Variants in MROH2A observed in about 807,000 individuals in gnomAD.
MROH2A encodes the protein maestro heat like repeat family member 2A, also known as maestro heat-like repeat-containing protein family member 2A.
Under a neutral mutation model 200.4 loss-of-function variants are expected in MROH2A, and 174 were observed. The ratio of observed to expected loss-of-function variants is 0.87; its 90% confidence interval spans 0.77 to 0.98. The LOEUF (loss-of-function observed/expected upper bound fraction) is 0.98. Ranked by LOEUF, MROH2A falls within the 50% of genes least tolerant of loss-of-function variation. The pLI, the probability that MROH2A is intolerant of heterozygous loss-of-function variation, is 0.00. For synonymous variants in MROH2A, 829 were observed against 840.4 expected, an observed-to-expected ratio of 0.99 and a Z score of 0.23; for missense variants, 2,045 against 2,139.6, an observed-to-expected ratio of 0.96 and a Z score of 0.87.
intron 3 of MROH2A, among the ~76,000 whole-genome samples, chr2:233,780,157 G>A (rs1559428648): frequency 6.6e-6 from 1 of 152,244 alleles, no homozygotes; most frequent in African/African-American, 2.4e-5. Flanking sequence ...GACACAGTGT[G>A]CAGGGATGTT....
rs1193774116 is a variant in MROH2A, at chr2:233,829,013, G to T, written c.4387G>T (p.Gly1463Trp). ...CAAGATCCTGGCTGAGCTCCGGGAAGGGGATGTGGGGTCCTCTTTCGACGC... is the reference window on the plus strand; with the variant it reads ...CAAGATCCTGGCTGAGCTCCGGGAATGGGATGTGGGGTCCTCTTTCGACGC... ...LTKILAELRE[G>W]DVGSSFDAMS... The change falls in exon 37 of 42, where the codon GGG (glycine) becomes TGG (tryptophan). Residue 1463 changes from glycine to tryptophan, a missense_variant. Physicochemically the swap from Gly to Trp is radical, Grantham distance 184. Coordinates refer to ENST00000389758, the MANE Select transcript of MROH2A (RefSeq NM_001394639.1). 15 of 1,550,030 alleles carry T rather than the reference G, an allele frequency of 9.7e-6. No homozygotes were observed. The highest frequency in any genetic ancestry group is 1.3e-5 in the Non-Finnish European group (15 of 1,146,812).
chr2:233,823,461 G>A lies in MROH2A; in HGVS notation c.4005-95G>A. The A allele has an allele frequency of 1.7e-5, 24 of 1,420,144 alleles. No homozygotes were observed. In the South Asian group the frequency reaches 3.3e-4, roughly 20 times the overall value. 88.0% of individuals were successfully genotyped at this position (1,420,144 alleles called of 1,614,324 possible). ...TCTTTCCGGGGTTATCTTGCCACCAGGGTCCAGGCACCGATGTGGCCCTGC... is the reference window on the plus strand; with the variant it reads ...TCTTTCCGGGGTTATCTTGCCACCAAGGTCCAGGCACCGATGTGGCCCTGC... On this transcript the variant is annotated intron_variant, in intron 34 of 41. Coordinates refer to ENST00000389758, the MANE Select transcript of MROH2A (RefSeq NM_001394639.1).
At chr2:233,788,862 C>T (rs951859858) in intron 3 of MROH2A, among the ~76,000 whole-genome samples, 63 of 142,122 alleles carry the variant, frequency 4.4e-4, no homozygotes, top group African/African-American at 1.5e-3. Context: ...TGGCGTGAAC[C>T]CGGGAGGCAG....
intron 29 of MROH2A, 30 bp from the exon 30 acceptor site, chr2:233,819,277 TGGCAGGGGAG>T (rs1703769131): frequency 2.6e-6 from 4 of 1,530,684 alleles, no homozygotes; most frequent in Non-Finnish European, 3.5e-6. Context: ...AGTCATGGAG[TGGCAGGGGAG>T]GGCAGGGGAG....
chr2:233,829,909 GC>G, intron 38 of MROH2A, 134 bp downstream of exon 38: 2 of 806,532 alleles, frequency 2.5e-6, no homozygotes, highest in Non-Finnish European at 3.4e-6. Context: ...GATCCCAGAG[GC>G]CACAGCCTGC....
At position 233,803,428 on chromosome 2, in the gene MROH2A, G is replaced by A. The variant is rs573849192; in HGVS notation, c.1709-20G>A. 26 of 1,550,446 alleles carry A rather than the reference G, an allele frequency of 1.7e-5. No individual in the cohort carries two copies. The African/African-American group carries it at 3.4e-4, about 20-fold the overall frequency. ...TACAAGCCAGGAAGGCTCAGCTGGG[G>A]TTGCATTTCCTTCAATCAGTGGACC... On this transcript the variant is annotated intron_variant, in intron 15 of 41. Coordinates refer to ENST00000389758, the MANE Select transcript of MROH2A (RefSeq NM_001394639.1).
chr2:233,828,672 C>A lies in MROH2A; in HGVS notation c.4156C>A (p.Pro1386Thr). ...TCTGTACCAGGAGAAGCTGCTGAAG[C>A]CGGCAGCTTTGCTGCTGGAGAAGGG... The part of the protein sequence containing the change: ...PVLYQEKLLK[P>T]AALLLEKGAD... The change falls in exon 36 of 42, where the codon CCG becomes ACG. Residue 1386 changes from proline (P) to threonine (T), a missense_variant. Around this residue, in one of 3 missense-constraint regions of MROH2A, gnomAD observed 1,201 missense variants for 1,311.3 expected, o/e 0.92. Transcript: ENST00000389758. The surrounding 1 kb of genome is among the most constrained non-coding windows in gnomAD (Gnocchi z 4.6). 6.4e-7 allele frequency: 1 copy of A among 1,550,756 alleles called. No homozygotes were observed. Among genetic ancestry groups the A allele is most frequent in the Non-Finnish European group, 8.7e-7 (1 of 1,147,032 alleles).
intron 19 of MROH2A, among the ~76,000 whole-genome samples, chr2:233,805,705 G>A (rs1428697093): frequency 6.6e-6 from 1 of 152,200 alleles, no homozygotes; most frequent in Non-Finnish European, 1.5e-5. Flanking sequence ...ACAAGACAGT[G>A]AGATACTGGC....
intron 7 of MROH2A, 102 bp from the exon 8 acceptor site, chr2:233,794,249 GCTTCTGAGGCGC>G: frequency 1.3e-6 from 1 of 777,498 alleles, no homozygotes; most frequent in Non-Finnish European, 2.1e-6. Flanking sequence ...ACCTTGCTCT[GCTTCTGAGGCGC>G]CTTCTGTCCT....
upstream of MROH2A, among the ~76,000 whole-genome samples, chr2:233,777,354 C>G (rs1433307145): frequency 6.6e-6 from 1 of 152,200 alleles, no homozygotes; most frequent in Non-Finnish European, 1.5e-5. Context: ...TTGGCAACCA[C>G]ATCACCTCAG....
At chr2:233,817,909 G>C in intron 27 of MROH2A, 93 bp from the exon 28 acceptor site, 10 of 1,456,304 alleles carry the variant, frequency 6.9e-6, no homozygotes, top group Non-Finnish European at 9.3e-6. Context: ...AGCAGGGTTT[G>C]CCCTATCAAG....
intron 8 of MROH2A, 92 bp downstream of exon 8, chr2:233,794,598 A>T (rs1575931302): frequency 1.5e-6 from 1 of 683,982 alleles, no homozygotes; most frequent in Non-Finnish European, 2.5e-6. Context: ...AGCCGGGGGG[A>T]TGTCAGATAT....
intron 2 of MROH2A, 73 bp from the exon 3 acceptor site, chr2:233,779,598 A>C (rs1022319253): frequency 7.3e-6 from 11 of 1,504,330 alleles, no homozygotes; most frequent in Non-Finnish European, 9.0e-6. Context: ...GGTGGAGGCA[A>C]GGCCAGGGAC....
intron 3 of MROH2A, among the ~76,000 whole-genome samples, chr2:233,788,801 T>C (rs918066705): frequency 6.9e-4 from 105 of 151,392 alleles, no homozygotes; most frequent in African/African-American, 2.2e-3. Flanking sequence ...TAGCCGGGCG[T>C]GGTGGCGGGC....
chr2:233,815,080 C>T (rs1236030412), intron 26 of MROH2A, among the ~76,000 whole-genome samples: 1 of 152,210 alleles, frequency 6.6e-6, no homozygotes, highest in African/African-American at 2.4e-5. Flanking sequence ...TGAATTGCCC[C>T]AGTAATGTCC....
At chr2:233,827,899 G>A (rs1249477627) in intron 35 of MROH2A, among the ~76,000 whole-genome samples, 2 of 151,960 alleles carry the variant, frequency 1.3e-5, no homozygotes, top group Non-Finnish European at 2.9e-5. Context: ...GGTTGTGATC[G>A]TTGTATTCAC....
In MROH2A at chr2:233,804,142, T is replaced by C; in HGVS notation, c.1841T>C (p.Met614Thr). The C allele has an allele frequency of 6.4e-7, 1 of 1,550,554 alleles. No homozygotes were observed. The highest frequency in any genetic ancestry group is 8.7e-7 in the Non-Finnish European group (1 of 1,146,976). ...RTLSQSIAPS[M>T]ADMWELEIAL... ...CTGAGCCAGAGCATCGCACCCTCCA[T>C]GGCCGACATGTGGGAGCTGGAGATT... Residue 614 changes from methionine (M) to threonine (T), a missense_variant, in exon 17 of 42, where the codon ATG (methionine) becomes ACG (threonine). Met to Thr is a moderately conservative substitution (Grantham distance 81, BLOSUM62 -1). Transcript: ENST00000389758.
At chr2:233,833,030 C>A in intron 41 of MROH2A, 108 bp from the exon 42 acceptor site, 2 of 1,349,632 alleles carry the variant, frequency 1.5e-6, no homozygotes, top group Non-Finnish European at 9.9e-7. Context: ...TCCCCGTCTG[C>A]CCCTGCCCAC....
rs893764735 is a variant in MROH2A, at chr2:233,785,930, G to A, written c.277-3567G>A. ...AGCTGGAAGTCCCTGATTGAGGTGCGATATGGTTTGGCTGTGTCCCCACCC... is the reference window on the plus strand; with the variant it reads ...AGCTGGAAGTCCCTGATTGAGGTGCAATATGGTTTGGCTGTGTCCCCACCC... On this transcript the variant is annotated intron_variant, in intron 3 of 41. Transcript: ENST00000389758. Among the ~76,000 whole-genome samples the A allele has an allele frequency of 2.6e-5, 4 of 152,120 alleles. No individual in the cohort carries two copies. The South Asian group carries it at 6.2e-4, about 24-fold the overall frequency.
Sources: gnomAD v4.1 joint callset for allele counts (sites outside exome capture counted in the v4.1 genomes callset) on GRCh38, gnomAD v4.1.1 for gene constraint, gnomAD v4.1.1 regional missense constraint, Gnocchi (gnomAD v3.1) non-coding constraint, MANE v1.5 for transcripts, NCBI Gene and HGNC (gene_info 2026-07-23, HGNC 2026-07-21) for gene names.